Variants in SLCO6A1 observed in about 807,000 individuals in gnomAD.
SLCO6A1 encodes cancer/testis antigen 48.
In SLCO6A1, 65 loss-of-function variants were observed where a neutral mutation model predicts 72.7. The observed-to-expected ratio is 0.89, with a 90% CI of 0.73 to 1.10. SLCO6A1 has a LOEUF of 1.10. Among genes scored for constraint, SLCO6A1 ranks in the 50% least tolerant of loss-of-function variants. The pLI, the probability that SLCO6A1 is intolerant of heterozygous loss-of-function variation, is 0.00. For synonymous variants in SLCO6A1, 314 were observed against 298.2 expected, an observed-to-expected ratio of 1.05 and a Z score of -0.55; for missense variants, 874 against 872.6, an observed-to-expected ratio of 1.00 and a Z score of -0.02.
At chr5:102,431,975 A>G (rs2112657442) in intron 7 of SLCO6A1, among the ~76,000 whole-genome samples, 1 of 152,264 alleles carries the variant, frequency 6.6e-6, no homozygotes, top group African/African-American at 2.4e-5. Context: ...TGAACCTTTC[A>G]CCATTATGTA....
chr5:102,375,342 A>G (rs1745722206), intron 12 of SLCO6A1, among the ~76,000 whole-genome samples: 1 of 152,132 alleles, frequency 6.6e-6, no homozygotes, highest in African/African-American at 2.4e-5. Context: ...AACCAACTCA[A>G]ACTAAAGCTG....
intron 10 of SLCO6A1, among the ~76,000 whole-genome samples, chr5:102,393,560 C>T (rs1487946062): frequency 1.3e-5 from 2 of 152,116 alleles, no homozygotes; most frequent in Admixed American, 6.6e-5. Flanking sequence ...ATGTAATTTT[C>T]TCATTGTGTT....
intron 10 of SLCO6A1, among the ~76,000 whole-genome samples, chr5:102,394,709 C>A (rs1194307235): frequency 6.6e-6 from 1 of 151,818 alleles, no homozygotes; most frequent in East Asian, 1.9e-4. Flanking sequence ...CATTAAAAAT[C>A]AAAATAGAGA....
intron 10 of SLCO6A1, among the ~76,000 whole-genome samples, chr5:102,395,372 A>T (rs1208410987): frequency 1.7e-4 from 26 of 150,422 alleles, no homozygotes; most frequent in Middle Eastern, 3.4e-3. Context: ...ACATGAACTC[A>T]TCCTTTTTTA....
intron 9 of SLCO6A1, among the ~76,000 whole-genome samples, chr5:102,411,425 C>G: frequency 6.6e-6 from 1 of 152,012 alleles, no homozygotes; most frequent in East Asian, 1.9e-4. Context: ...CCACCATGCA[C>G]AGTTAATTTT....
At chr5:102,373,729 G>C (rs531008893) in intron 12 of SLCO6A1, among the ~76,000 whole-genome samples, 75 of 152,148 alleles carry the variant, frequency 4.9e-4, no homozygotes, top group Non-Finnish European at 8.5e-4. Flanking sequence ...CCAAGTGCAA[G>C]GTGTGCTATT....
At chr5:102,459,840 A>C in intron 4 of SLCO6A1, 63 bp from the exon 5 acceptor site, 1 of 1,409,652 alleles carries the variant, frequency 7.1e-7, no homozygotes, top group Non-Finnish European at 9.5e-7. Context: ...CAAAACCATA[A>C]TCAAACAGAG....
intron 10 of SLCO6A1, among the ~76,000 whole-genome samples, chr5:102,393,375 C>T (rs999055786): frequency 6.6e-6 from 1 of 152,132 alleles, no homozygotes; most frequent in Non-Finnish European, 1.5e-5. Context: ...CATCACCCTC[C>T]ATGCTCATTA....
chr5:102,465,391 G>T (rs759448847), intron 4 of SLCO6A1, among the ~76,000 whole-genome samples: 21 of 151,998 alleles, frequency 1.4e-4, no homozygotes, highest in Non-Finnish European at 2.6e-4. Flanking sequence ...TTGAGTCCTA[G>T]TTGCCCCAAG....
chr5:102,495,844 T>G (rs1031634018), intron 1 of SLCO6A1, among the ~76,000 whole-genome samples: 53 of 152,094 alleles, frequency 3.5e-4, no homozygotes, highest in African/African-American at 1.2e-3. Context: ...AGACCCAGAT[T>G]GAAGCTCATC....
chr5:102,374,624 T>C (rs1342715728), intron 12 of SLCO6A1, among the ~76,000 whole-genome samples: 1 of 152,212 alleles, frequency 6.6e-6, no homozygotes, highest in Non-Finnish European at 1.5e-5. Context: ...GAAACATTAA[T>C]GATTCTATGC....
At position 102,381,302 on chromosome 5, in the gene SLCO6A1, T is replaced by C. The variant is rs149046232; in HGVS notation, c.2017+7386A>G. On this transcript the variant is annotated intron_variant, in intron 12 of 13. Transcript: ENST00000506729. The stretch of plus-strand genomic sequence containing the variant: ...TTCTGTTTGATTTTTTTAGATTCCA[T>C]GTATAAGTGAGAGCATGCTGTATTT... Among the ~76,000 whole-genome samples the C allele has an allele frequency of 7.2e-3, 1,101 of 151,888 alleles. 4 individuals are homozygous for C. The highest frequency in any genetic ancestry group is 0.012 in the African/African-American group (489 of 41,520).
chr5:102,421,765 G>A (rs1748620843), intron 7 of SLCO6A1, among the ~76,000 whole-genome samples: 1 of 152,224 alleles, frequency 6.6e-6, no homozygotes, highest in African/African-American at 2.4e-5. Flanking sequence ...CAATGCTCGA[G>A]CTCTGCTAAG....
chr5:102,414,739 C>CA (rs1185965370), intron 8 of SLCO6A1, among the ~76,000 whole-genome samples: 1 of 151,510 alleles, frequency 6.6e-6, no homozygotes, highest in Non-Finnish European at 1.5e-5. Context: ...ACTTAAAATG[C>CA]AAAAAAATAG....
At chr5:102,414,805 G>T (rs1440008204) in intron 8 of SLCO6A1, among the ~76,000 whole-genome samples, 1 of 152,130 alleles carries the variant, frequency 6.6e-6, no homozygotes, top group Non-Finnish European at 1.5e-5. Flanking sequence ...TGAGGCAGGA[G>T]AATTGCTTGA....
In SLCO6A1 at chr5:102,388,836, T is replaced by C. The variant is rs1746574160; in HGVS notation, c.1880-11A>G. 4.4e-6 allele frequency: 7 copies of C among 1,587,628 alleles called. No homozygotes were observed. In the East Asian group the frequency reaches 9.1e-5, roughly 21 times the overall value. ...GTCCAGGAATAGTCCCTATGAAAAATGCAATGATTGTAAATTCTTTGTGAA... is the reference window on the plus strand; with the variant it reads ...GTCCAGGAATAGTCCCTATGAAAAACGCAATGATTGTAAATTCTTTGTGAA... On this transcript the variant is annotated splice_polypyrimidine_tract_variant and intron_variant, in intron 11 of 13. Transcript: ENST00000506729.
chr5:102,444,285 T>C (rs1749993410), intron 6 of SLCO6A1, among the ~76,000 whole-genome samples: 1 of 152,150 alleles, frequency 6.6e-6, no homozygotes, highest in Admixed American at 6.5e-5. Flanking sequence ...AGGTGGGACA[T>C]ATAGTGTCCC....
At chr5:102,437,544 A>G (rs76786160) in intron 7 of SLCO6A1, among the ~76,000 whole-genome samples, 3,491 of 152,210 alleles carry the variant, frequency 0.023, 135 homozygotes, top group African/African-American at 0.08. Flanking sequence ...CATTCTGCTG[A>G]TTTGATTAAT....
At chr5:102,405,945 T>G (rs969016056) in intron 9 of SLCO6A1, among the ~76,000 whole-genome samples, 1 of 152,066 alleles carries the variant, frequency 6.6e-6, no homozygotes, top group African/African-American at 2.4e-5. Flanking sequence ...ATGGTGAGTT[T>G]TATATTACAC....
Sources: gnomAD v4.1 joint callset for allele counts (sites outside exome capture counted in the v4.1 genomes callset) on GRCh38, gnomAD v4.1.1 for gene constraint, MANE v1.5 for transcripts, NCBI Gene and HGNC (gene_info 2026-07-23, HGNC 2026-07-21) for gene names.